The following ESR1 variants were observed in gnomAD, a reference collection of about 807,000 sequenced individuals.
The protein encoded by ESR1 is estrogen receptor 1.
A neutral mutation model predicts 52.7 loss-of-function variants in ESR1; 12 were observed. The observed-to-expected ratio is 0.23, with a 90% confidence interval of 0.15 to 0.37. The LOEUF (loss-of-function observed/expected upper bound fraction) is 0.37. ESR1 is among the 10% of genes least tolerant of loss of function. The pLI is 1.00. For missense variants in ESR1, 584 were observed against 779.7 expected (o/e 0.75, Z 2.99); for synonymous variants, 305 against 316.8 (o/e 0.96, Z 0.39).
In ESR1 at chr6:151,906,890, C is replaced by T. The variant is rs564392820; in HGVS notation, c.760+26119C>T. ...AAAGGAATAAAACTTTGCTTTTTTT[C>T]ACATTTTGTTACTTATTTCACCTGA... On this transcript the variant is annotated intron_variant, in intron 3 of 7. Transcript: ENST00000206249. Among the ~76,000 whole-genome samples, 5 of 150,982 alleles carry T rather than the reference C, an allele frequency of 3.3e-5. No homozygotes were observed. In the South Asian group the frequency reaches 1.1e-3, roughly 32 times the overall value.
At chr6:151,982,452 C>CACATTA (rs2128679370) in intron 4 of ESR1, among the ~76,000 whole-genome samples, 1 of 152,018 alleles carries the variant, frequency 6.6e-6, no homozygotes, top group East Asian at 1.9e-4. Context: ...TTCTAGTAGC[C>CACATTA]ACATTAAAAA....
At chr6:152,057,953 A>G (rs1312754088) in intron 5 of ESR1, among the ~76,000 whole-genome samples, 1 of 152,168 alleles carries the variant, frequency 6.6e-6, no homozygotes. Flanking sequence ...AAAAAGGACA[A>G]GAAGAAAGGA....
chr6:152,005,597 A>T (rs1193007920), intron 4 of ESR1, among the ~76,000 whole-genome samples: 1 of 152,018 alleles, frequency 6.6e-6, no homozygotes, highest in African/African-American at 2.4e-5. Flanking sequence ...TAGAACTAAT[A>T]TTTATTGAGT....
At chr6:151,798,195 GT>G (rs1198265393) in intron 2 of ESR1, among the ~76,000 whole-genome samples, 4 of 151,184 alleles carry the variant, frequency 2.6e-5, no homozygotes, top group East Asian at 1.9e-4. Flanking sequence ...CTGGCCAGGT[GT>G]TTTTTTTTCT....
intron 2 of ESR1, among the ~76,000 whole-genome samples, chr6:151,761,861 A>C (rs1426950281): frequency 6.6e-6 from 1 of 152,144 alleles, no homozygotes; most frequent in Non-Finnish European, 1.5e-5. Context: ...GCCGGGCCCC[A>C]CCCTCAGAAT....
intron 4 of ESR1, among the ~76,000 whole-genome samples, chr6:151,960,425 G>T (rs1457707091): frequency 6.6e-6 from 1 of 152,322 alleles, no homozygotes; most frequent in South Asian, 2.1e-4. Flanking sequence ...CTCATTGAGA[G>T]ATCTTTTGAG....
chr6:151,973,776 C>G (rs2039151812), intron 4 of ESR1, among the ~76,000 whole-genome samples: 1 of 152,184 alleles, frequency 6.6e-6, no homozygotes, highest in Non-Finnish European at 1.5e-5. Flanking sequence ...CTGTTGAACA[C>G]TCAGTAAATG....
At chr6:151,724,999 A>G (rs1304488446) in intron 2 of ESR1, among the ~76,000 whole-genome samples, 1 of 152,214 alleles carries the variant, frequency 6.6e-6, no homozygotes, top group Admixed American at 6.5e-5. Flanking sequence ...AGCACATTAA[A>G]TTAGGGAACA....
intron 2 of ESR1, among the ~76,000 whole-genome samples, chr6:151,748,961 G>A (rs796214093): frequency 8.5e-5 from 13 of 152,158 alleles, no homozygotes; most frequent in African/African-American, 2.6e-4. Flanking sequence ...AGCATTTATC[G>A]TATGCTAGGT....
intron 2 of ESR1, among the ~76,000 whole-genome samples, chr6:151,774,325 C>G (rs2347759): frequency 0.31 from 46,653 of 152,088 alleles, 9,103 homozygotes; most frequent in East Asian, 0.71. Flanking sequence ...TTTGGGAGTT[C>G]GGGAACAAAT....
intron 3 of ESR1, among the ~76,000 whole-genome samples, chr6:151,941,728 A>G (rs767697120): frequency 1.3e-5 from 2 of 152,182 alleles, no homozygotes; most frequent in Non-Finnish European, 2.9e-5. Flanking sequence ...GATACCCCTC[A>G]TCGTCTCCTA....
chr6:151,753,420 C>T (rs962703501), intron 2 of ESR1, among the ~76,000 whole-genome samples: 3 of 151,374 alleles, frequency 2.0e-5, no homozygotes, highest in East Asian at 1.9e-4. Flanking sequence ...GTGGTTCAAG[C>T]GATTCTCCTG....
intron 2 of ESR1, among the ~76,000 whole-genome samples, chr6:151,768,731 G>T (rs1785263147): frequency 6.6e-6 from 1 of 152,150 alleles, no homozygotes; most frequent in Admixed American, 6.5e-5. Flanking sequence ...TAAAATGTTA[G>T]CATTTGGGGA....
intron 4 of ESR1, among the ~76,000 whole-genome samples, chr6:151,953,162 C>G (rs558850364): frequency 1.3e-5 from 2 of 152,182 alleles, no homozygotes; most frequent in South Asian, 4.1e-4. Flanking sequence ...TTGAATCTTT[C>G]TGGCTTAGCT....
intron 4 of ESR1, among the ~76,000 whole-genome samples, chr6:152,002,256 A>G (rs1318806828): frequency 1.3e-5 from 2 of 149,900 alleles, no homozygotes; most frequent in Non-Finnish European, 3.0e-5. Context: ...GTTGTCATCA[A>G]TTTTGGCTTC....
chr6:152,118,363 AT>A (rs2051233925), intron 6 of ESR1: 1 of 152,232 alleles, frequency 6.6e-6, no homozygotes, highest in Admixed American at 6.5e-5. Context: ...CCAAATGCCC[AT>A]CAATGATAGA....
At chr6:151,710,604 T>C (rs981843610) in intron 2 of ESR1, among the ~76,000 whole-genome samples, 2 of 152,154 alleles carry the variant, frequency 1.3e-5, no homozygotes, top group African/African-American at 2.4e-5. Context: ...TTAAGTTCTG[T>C]GATACATGTG....
chr6:152,042,077 T>C (rs1473592830), intron 5 of ESR1, among the ~76,000 whole-genome samples: 1 of 152,198 alleles, frequency 6.6e-6, no homozygotes, highest in Non-Finnish European at 1.5e-5. Context: ...ATCTTTGAAG[T>C]CCTTGATGGT....
chr6:151,943,384 A>C (rs2035326011), intron 3 of ESR1, among the ~76,000 whole-genome samples: 2 of 146,526 alleles, frequency 1.4e-5, no homozygotes, highest in South Asian at 4.2e-4. Flanking sequence ...CATCTTAAAA[A>C]AAAAACAAAA....
Sources: gnomAD v4.1 joint callset for allele counts (sites outside exome capture counted in the v4.1 genomes callset) on GRCh38, gnomAD v4.1.1 for gene constraint, MANE v1.5 for transcripts, NCBI Gene and HGNC (gene_info 2026-07-23, HGNC 2026-07-21) for gene names.